RELN: variants seen among roughly 807,000 people sequenced by gnomAD.
RELN encodes the protein reelin.
RELN carries 108 observed loss-of-function variants against 427.6 expected under a neutral mutation model. The observed-to-expected ratio is 0.25, with a 90% confidence interval of 0.22 to 0.30. The LOEUF (loss-of-function observed/expected upper bound fraction) is 0.30, where lower values mean the gene tolerates loss of function less well. Among genes scored for constraint, RELN ranks in the 10% least tolerant of loss-of-function variants. The pLI is 1.00. For synonymous variants in RELN, 1,524 were observed against 1,513.4 expected (o/e 1.01, Z -0.16); for missense variants, 3,715 against 4,302.8 (o/e 0.86, Z 3.82).
At chr7:103,971,958 A>G (rs535859851) in intron 1 of RELN, among the ~76,000 whole-genome samples, 1 of 152,278 alleles carries the variant, frequency 6.6e-6, no homozygotes, top group South Asian at 2.1e-4. Flanking sequence ...CTGTAATCTC[A>G]GCTACTTGGG....
chr7:103,610,582 T>G lies in RELN; in HGVS notation c.3008+113A>C, dbSNP rs2117288432. 5.5e-6 allele frequency: 4 copies of G among 727,606 alleles called. No homozygotes were observed. In the East Asian group the frequency reaches 7.7e-5, roughly 14 times the overall value. The allele number at this position is 727,606 out of a possible 1,614,324, so 45.1% of individuals were successfully genotyped here. ...ATAAAAAGAATAAACATCATGCTAT[T>G]GTGCTTAACTTGCCTTCATATTCAA... On this transcript the variant is annotated intron_variant, in intron 22 of 64. Transcript: ENST00000428762.
At chr7:103,731,135 T>C (rs1790342837) in intron 6 of RELN, among the ~76,000 whole-genome samples, 1 of 152,124 alleles carries the variant, frequency 6.6e-6, no homozygotes, top group Admixed American at 6.6e-5. Flanking sequence ...AACAGGAGCA[T>C]ACACTGGTTG....
intron 31 of RELN, among the ~76,000 whole-genome samples, chr7:103,571,205 T>A (rs1830874644): frequency 6.6e-6 from 1 of 152,222 alleles, no homozygotes. Flanking sequence ...TACACAGTCA[T>A]ACTGAGATAT....
chr7:103,677,494 G>A (rs1444288071), intron 11 of RELN, among the ~76,000 whole-genome samples: 1 of 144,904 alleles, frequency 6.9e-6, no homozygotes, highest in Non-Finnish European at 1.5e-5. Flanking sequence ...GGCCGGGCAC[G>A]GTGGCTCATG....
At chr7:103,676,368 A>G (rs1294534586) in intron 11 of RELN, among the ~76,000 whole-genome samples, 3 of 152,296 alleles carry the variant, frequency 2.0e-5, no homozygotes, top group South Asian at 2.1e-4. Context: ...TAGAATGGCA[A>G]TCATTAAAAA....
At chr7:103,558,512 C>G (rs896229177) in intron 36 of RELN, among the ~76,000 whole-genome samples, 4 of 152,036 alleles carry the variant, frequency 2.6e-5, no homozygotes, top group African/African-American at 9.7e-5. Flanking sequence ...CTCTGACAGC[C>G]CCAGGGGCTC....
intron 2 of RELN, among the ~76,000 whole-genome samples, chr7:103,915,325 T>C (rs1795460387): frequency 6.6e-6 from 1 of 152,158 alleles, no homozygotes; most frequent in South Asian, 2.1e-4. Flanking sequence ...TCATACCCTT[T>C]CCCAGCACTC....
chr7:103,710,635 G>C (rs562962947), intron 8 of RELN, among the ~76,000 whole-genome samples: 1 of 152,316 alleles, frequency 6.6e-6, no homozygotes, highest in African/African-American at 2.4e-5. Flanking sequence ...GATCAATAAG[G>C]AGTTGCAAAG....
rs551039027 is a variant in RELN at position 103,606,742 on chromosome 7, T to A, written c.3009-2259A>T. ...CAGTCACATGCAGACACATTCTAAA[T>A]TGTTTTCCTAAGTAAATTAATCCTT... On this transcript the variant is annotated intron_variant, in intron 22 of 64. Transcript: ENST00000428762. Among the ~76,000 whole-genome samples the A allele has an allele frequency of 2.0e-5, 3 of 152,340 alleles. No individual in the cohort carries two copies. The East Asian group carries it at 5.8e-4, about 29-fold the overall frequency.
intron 13 of RELN, among the ~76,000 whole-genome samples, chr7:103,653,145 A>C (rs918066413): frequency 6.6e-6 from 1 of 152,114 alleles, no homozygotes; most frequent in African/African-American, 2.4e-5. Context: ...GATTGGTATC[A>C]AGCTAAGGGC....
At chr7:103,706,302 T>C (rs932983455) in intron 8 of RELN, among the ~76,000 whole-genome samples, 3 of 152,120 alleles carry the variant, frequency 2.0e-5, no homozygotes, top group African/African-American at 4.8e-5. Context: ...ATAAGGTCTA[T>C]ACAATTGCTA....
At chr7:103,929,034 A>G (rs1197263240) in intron 1 of RELN, among the ~76,000 whole-genome samples, 1 of 152,242 alleles carries the variant, frequency 6.6e-6, no homozygotes, top group Non-Finnish European at 1.5e-5. Context: ...TTAAGTCAGC[A>G]TATCTTGTTG....
chr7:103,897,757 A>C (rs978505922), intron 2 of RELN, among the ~76,000 whole-genome samples: 2 of 152,168 alleles, frequency 1.3e-5, no homozygotes, highest in East Asian at 3.9e-4. Flanking sequence ...CTTTAAAGAA[A>C]CCAAAACTGG....
chr7:103,628,904 C>T (rs1832388573), intron 20 of RELN, among the ~76,000 whole-genome samples: 1 of 152,108 alleles, frequency 6.6e-6, no homozygotes, highest in Admixed American at 6.5e-5. Context: ...CCTAGAAGAC[C>T]CTAAAAGATC....
rs577226651 is a variant in RELN at position 103,951,738 on chromosome 7, T to C, written c.227-34553A>G. On this transcript the variant is annotated intron_variant, in intron 1 of 64. Coordinates refer to ENST00000428762, the MANE Select transcript of RELN (RefSeq NM_005045.4). Reference sequence around the variant, plus strand: ...CCCAGGCTGAAGTGCAGTGGCACGATCTCAGCTCACTGCAATCTCCACCTC... The same window carrying C: ...CCCAGGCTGAAGTGCAGTGGCACGACCTCAGCTCACTGCAATCTCCACCTC... 1.1e-4 allele frequency among the ~76,000 whole-genome samples: 17 copies of C among 152,046 alleles called. 1 individual carries two copies. The South Asian group carries it at 3.5e-3, about 32-fold the overall frequency.
intron 8 of RELN, among the ~76,000 whole-genome samples, chr7:103,703,543 G>A (rs1202595948): frequency 1.3e-5 from 2 of 152,178 alleles, no homozygotes; most frequent in Non-Finnish European, 2.9e-5. Context: ...TTCTTAGGGA[G>A]TGAGGAGGGA....
At chr7:103,734,193 A>T (rs1366439599) in intron 6 of RELN, among the ~76,000 whole-genome samples, 1 of 152,192 alleles carries the variant, frequency 6.6e-6, no homozygotes, top group East Asian at 1.9e-4. Flanking sequence ...TGGGCTTTGT[A>T]AAGTTAGGTA....
intron 8 of RELN, among the ~76,000 whole-genome samples, chr7:103,704,450 A>C (rs148322302): frequency 0.019 from 2,815 of 152,158 alleles, 36 homozygotes; most frequent in Admixed American, 0.031. Context: ...CCACAAATCC[A>C]CACGTACCAT....
chr7:103,845,871 G>A (rs901987903), intron 2 of RELN, among the ~76,000 whole-genome samples: 1 of 151,710 alleles, frequency 6.6e-6, no homozygotes, highest in Non-Finnish European at 1.5e-5. Context: ...AAATAAGAGA[G>A]GACACAAACA....
Sources: gnomAD v4.1 joint callset for allele counts (sites outside exome capture counted in the v4.1 genomes callset) on GRCh38, gnomAD v4.1.1 for gene constraint, MANE v1.5 for transcripts, NCBI Gene and HGNC (gene_info 2026-07-23, HGNC 2026-07-21) for gene names.